TRIM2: variants seen among roughly 807,000 people sequenced by gnomAD.
The protein encoded by TRIM2 is tripartite motif-containing protein 2.
A neutral mutation model predicts 75.2 loss-of-function variants in TRIM2; 20 were observed. The ratio of observed to expected loss-of-function variants is 0.27; its 90% confidence interval spans 0.19 to 0.39. The LOEUF (loss-of-function observed/expected upper bound fraction) is 0.39, where lower values mean the gene tolerates loss of function less well. Ranked by LOEUF, TRIM2 falls within the 10% of genes least tolerant of loss-of-function variation. The pLI, the probability that TRIM2 is intolerant of heterozygous loss-of-function variation, is 1.00. For synonymous variants in TRIM2, 373 were observed against 388.3 expected (o/e 0.96, Z 0.46); for missense variants, 660 against 990.8 (o/e 0.67, Z 4.48).
chr4:153,214,236 G>T (rs1376588627), intron 1 of TRIM2, among the ~76,000 whole-genome samples: 2 of 152,172 alleles, frequency 1.3e-5, no homozygotes, highest in Non-Finnish European at 2.9e-5. Context: ...CTGTGTAATT[G>T]ATCAAGGACT....
At chr4:153,253,308 T>A (rs999850598) in intron 1 of TRIM2, among the ~76,000 whole-genome samples, 1 of 152,166 alleles carries the variant, frequency 6.6e-6, no homozygotes, top group Admixed American at 6.5e-5. Context: ...ACAGATGTAC[T>A]TTTAACGTAC....
At chr4:153,175,603 A>G (rs1357451070) in intron 1 of TRIM2, among the ~76,000 whole-genome samples, 1 of 152,136 alleles carries the variant, frequency 6.6e-6, no homozygotes, top group Non-Finnish European at 1.5e-5. Context: ...AAGAGTAAGG[A>G]GGTCAAAGTG....
chr4:153,242,551 A>G (rs190373152), intron 1 of TRIM2, among the ~76,000 whole-genome samples: 15 of 152,304 alleles, frequency 9.8e-5, no homozygotes, highest in Non-Finnish European at 2.2e-4. Context: ...TAACTCTTCA[A>G]GCAGACCAGC....
chr4:153,300,140 T>C (rs1445075290), intron 6 of TRIM2, among the ~76,000 whole-genome samples: 1 of 152,270 alleles, frequency 6.6e-6, no homozygotes, highest in Admixed American at 6.5e-5. Flanking sequence ...AATTGTATTT[T>C]TAATTTTTTG....
intron 10 of TRIM2, among the ~76,000 whole-genome samples, chr4:153,326,707 G>A (rs186169455): frequency 4.5e-4 from 69 of 152,334 alleles, no homozygotes; most frequent in African/African-American, 1.6e-3. Context: ...AAGGCTGGGC[G>A]CAGTGGCTCA....
At chr4:153,178,350 G>A (rs766257016) in intron 1 of TRIM2, among the ~76,000 whole-genome samples, 4 of 152,216 alleles carry the variant, frequency 2.6e-5, no homozygotes, top group East Asian at 1.9e-4. Context: ...TCCACTTGTC[G>A]ATGACCAGTT....
At chr4:153,245,125 G>A (rs2149885253) in intron 1 of TRIM2, among the ~76,000 whole-genome samples, 1 of 152,336 alleles carries the variant, frequency 6.6e-6, no homozygotes, top group East Asian at 1.9e-4. Flanking sequence ...GCACCAGTCA[G>A]GAGCAGCTTG....
intron 1 of TRIM2, among the ~76,000 whole-genome samples, chr4:153,241,676 G>T (rs1034937275): frequency 6.6e-6 from 1 of 152,168 alleles, no homozygotes; most frequent in Admixed American, 6.5e-5. Context: ...CATTAAGAGC[G>T]CCTCGTTGCT....
intron 1 of TRIM2, among the ~76,000 whole-genome samples, chr4:153,233,489 C>G (rs577608408): frequency 6.6e-6 from 1 of 152,076 alleles, no homozygotes; most frequent in Non-Finnish European, 1.5e-5. Flanking sequence ...AGTTCTGTAA[C>G]CATGACTACT....
In TRIM2 at chr4:153,295,960, G is replaced by T. The variant is rs751706975; in HGVS notation, c.1434G>T (p.Val478=). The change falls in exon 6 of 12, where the codon GTG becomes GTT. Residue 478 remains valine (V), a synonymous_variant. Coordinates refer to ENST00000338700, the MANE Select transcript of TRIM2 (RefSeq NM_015271.5). The surrounding 1 kb of genome is among the most constrained non-coding windows in gnomAD (Gnocchi z 7.2). ...PGSGHVKQKA[V]KRPASMYSTG... The stretch of plus-strand genomic sequence containing the variant: ...GCGGCCACGTCAAGCAGAAAGCTGT[G>T]AAAAGACCCGCAAGCATGTACAGCA... 1.1e-5 allele frequency: 17 copies of T among 1,573,244 alleles called. No individual in the cohort carries two copies. The Admixed American group carries it at 3.2e-4, about 30-fold the overall frequency.
At chr4:153,205,692 A>G (rs1735222494) in intron 1 of TRIM2, among the ~76,000 whole-genome samples, 1 of 152,162 alleles carries the variant, frequency 6.6e-6, no homozygotes, top group Non-Finnish European at 1.5e-5. Flanking sequence ...TAATACATTT[A>G]ATGCTTTGAA....
At chr4:153,193,127 CT>C (rs141233060) in intron 1 of TRIM2, among the ~76,000 whole-genome samples, 356 of 106,696 alleles carry the variant, frequency 3.3e-3, no homozygotes, top group African/African-American at 9.1e-3. Context: ...AGTGAATAAT[CT>C]TTTTTTTTTT....
At chr4:153,193,378 G>T (rs1043506929) in intron 1 of TRIM2, among the ~76,000 whole-genome samples, 1 of 152,066 alleles carries the variant, frequency 6.6e-6, no homozygotes, top group Non-Finnish European at 1.5e-5. Flanking sequence ...TGATCCGCCC[G>T]CCTTGTCCTC....
At chr4:153,211,329 A>G (rs116772432) in intron 1 of TRIM2, among the ~76,000 whole-genome samples, 179 of 152,264 alleles carry the variant, frequency 1.2e-3, no homozygotes, top group African/African-American at 4.3e-3. Context: ...GAAACATCTC[A>G]ATACCTTCCA....
intron 1 of TRIM2, among the ~76,000 whole-genome samples, chr4:153,253,678 A>G (rs1751386565): frequency 6.6e-6 from 1 of 152,194 alleles, no homozygotes; most frequent in Admixed American, 6.5e-5. Flanking sequence ...AACAGGTTGT[A>G]GTAAAGGAGC....
Position 153,323,562 on chromosome 4 carries a change from G to C in TRIM2, c.1952-516G>C, listed in dbSNP as rs534026696. ...AGTGGCGTGATCTCAGCTCACTGCA[G>C]CCTCGACCTCCTGGGTTCAAGTGAT... On this transcript the variant is annotated intron_variant, in intron 9 of 11. Transcript: ENST00000338700. Among the ~76,000 whole-genome samples, 7 of 152,190 alleles carry C rather than the reference G, an allele frequency of 4.6e-5. No individual in the cohort carries two copies. In the East Asian group the frequency reaches 9.6e-4, roughly 21 times the overall value.
At chr4:153,260,441 C>T in intron 1 of TRIM2, among the ~76,000 whole-genome samples, 1 of 151,878 alleles carries the variant, frequency 6.6e-6, no homozygotes, top group Non-Finnish European at 1.5e-5. Context: ...TCTTTATATA[C>T]TAAAGAAAGA....
intron 1 of TRIM2, among the ~76,000 whole-genome samples, chr4:153,235,097 T>C (rs1400895610): frequency 1.3e-5 from 2 of 151,888 alleles, no homozygotes; most frequent in African/African-American, 2.4e-5. Flanking sequence ...TTTTTTGTTG[T>C]ATGACTCACT....
chr4:153,267,818 C>T (rs1482807609), intron 1 of TRIM2, among the ~76,000 whole-genome samples: 2 of 151,916 alleles, frequency 1.3e-5, no homozygotes, highest in Non-Finnish European at 2.9e-5. Flanking sequence ...TTCGTAACCA[C>T]CCAACAGGTT....
Sources: gnomAD v4.1 joint callset for allele counts (sites outside exome capture counted in the v4.1 genomes callset) on GRCh38, gnomAD v4.1.1 for gene constraint, Gnocchi (gnomAD v3.1) non-coding constraint, MANE v1.5 for transcripts, NCBI Gene and HGNC (gene_info 2026-07-23, HGNC 2026-07-21) for gene names.